Variants in FAM169A observed in about 807,000 individuals in gnomAD.
The protein encoded by FAM169A is family with sequence similarity 169 member A, also known as soluble lamin-associated protein of 75 kDa.
FAM169A carries 24 observed loss-of-function variants against 75.7 expected under a neutral mutation model. The observed-to-expected ratio is 0.32, with a 90% CI of 0.23 to 0.45. The LOEUF is 0.45. FAM169A is among the 20% of genes least tolerant of loss of function. The pLI, the probability that FAM169A is intolerant of heterozygous loss-of-function variation, is 1.00. For synonymous variants in FAM169A, 271 were observed against 271.0 expected, an observed-to-expected ratio of 1.00 and a Z score of 0.00; for missense variants, 673 against 784.0, an observed-to-expected ratio of 0.86 and a Z score of 1.69.
At chr5:74,801,065 A>G in intron 9 of FAM169A, 35 bp from the exon 10 acceptor site, 2 of 1,476,034 alleles carry the variant, frequency 1.4e-6, no homozygotes, top group Non-Finnish European at 1.8e-6. Context: ...CACTTAATTG[A>G]TTATATATTA....
chr5:74,843,098 G>A lies in FAM169A; in HGVS notation c.-3-1419C>T, dbSNP rs573524784. ...GGGCAGCAAAGTAAAAATAGAAAAA[G>A]AAAGTATAAATAGAGATGAAGACCT... On this transcript the variant is annotated intron_variant, in intron 1 of 12. Transcript: ENST00000687041. Among the ~76,000 whole-genome samples the A allele has an allele frequency of 7.2e-5, 11 of 152,084 alleles. No individual in the cohort carries two copies. The South Asian group carries it at 2.1e-3, about 29-fold the overall frequency.
At chr5:74,785,303 A>T (rs1190781605) in intron 11 of FAM169A, among the ~76,000 whole-genome samples, 1 of 152,224 alleles carries the variant, frequency 6.6e-6, no homozygotes, top group Non-Finnish European at 1.5e-5. Context: ...TGGGCAACAG[A>T]GCGAGACTCC....
intron 1 of FAM169A, among the ~76,000 whole-genome samples, chr5:74,845,216 G>A (rs1236319320): frequency 2.6e-5 from 4 of 152,030 alleles, no homozygotes; most frequent in African/African-American, 7.2e-5. Context: ...AAGTCCTAAG[G>A]ACTTTAAAAC....
intron 1 of FAM169A, among the ~76,000 whole-genome samples, chr5:74,846,380 A>G (rs562657656): frequency 6.6e-6 from 1 of 152,356 alleles, no homozygotes; most frequent in African/African-American, 2.4e-5. Flanking sequence ...TCACAACCAC[A>G]TAAAAATAAT....
Position 74,823,469 on chromosome 5 carries a change from C to G in FAM169A, c.491-9450G>C, listed in dbSNP as rs964655252. ...CTTTCAAAGACTGCCATTGTTGATACCTCAAATGTATTACTTACAAAACTG... is the reference window on the plus strand; with the variant it reads ...CTTTCAAAGACTGCCATTGTTGATAGCTCAAATGTATTACTTACAAAACTG... On this transcript the variant is annotated intron_variant, in intron 5 of 12. Coordinates refer to ENST00000687041, the MANE Select transcript of FAM169A (RefSeq NM_001376049.1). Among the ~76,000 whole-genome samples, 3 of 152,162 alleles carry G rather than the reference C, an allele frequency of 2.0e-5. No individual in the cohort carries two copies. In the East Asian group the frequency reaches 5.8e-4, roughly 29 times the overall value.
At chr5:74,785,216 G>A (rs903648383) in intron 11 of FAM169A, among the ~76,000 whole-genome samples, 9 of 152,048 alleles carry the variant, frequency 5.9e-5, no homozygotes, top group Non-Finnish European at 1.0e-4. Flanking sequence ...GTACTCGGGA[G>A]GCTGAGGCAG....
intron 11 of FAM169A, among the ~76,000 whole-genome samples, chr5:74,794,286 C>G (rs1181051537): frequency 6.7e-5 from 10 of 150,270 alleles, no homozygotes; most frequent in African/African-American, 2.4e-4. Flanking sequence ...CCCAGCTACT[C>G]AGGAGGCTGA....
At chr5:74,833,139 A>G (rs6884843) in intron 5 of FAM169A, among the ~76,000 whole-genome samples, 35,273 of 151,986 alleles carry the variant, frequency 0.23, 4,309 homozygotes, top group Middle Eastern at 0.31. Flanking sequence ...TAAACTAGTT[A>G]TGCTCCAAAT....
chr5:74,795,819 AAGCT>A (rs1294287201), intron 11 of FAM169A, among the ~76,000 whole-genome samples: 2 of 152,218 alleles, frequency 1.3e-5, no homozygotes, highest in East Asian at 3.8e-4. Flanking sequence ...AAACTTTTAT[AAGCT>A]CAAACTTTTA....
intron 7 of FAM169A, among the ~76,000 whole-genome samples, 198 bp from the exon 8 acceptor site, chr5:74,804,803 GTATT>G (rs1403898962): frequency 6.6e-6 from 1 of 152,174 alleles, no homozygotes; most frequent in Non-Finnish European, 1.5e-5. Flanking sequence ...GTTATTTTAA[GTATT>G]TAGTAGCTTT....
chr5:74,829,718 A>G (rs1037809102), intron 5 of FAM169A, among the ~76,000 whole-genome samples: 5 of 152,180 alleles, frequency 3.3e-5, no homozygotes, highest in African/African-American at 9.7e-5. Context: ...TCACGCCTAT[A>G]ATCCCAGCAC....
At chr5:74,818,821 A>G (rs1312868629) in intron 5 of FAM169A, among the ~76,000 whole-genome samples, 1 of 150,358 alleles carries the variant, frequency 6.7e-6, no homozygotes, top group African/African-American at 2.5e-5. Context: ...ATATATATAT[A>G]TATGTCAAAG....
At chr5:74,806,763 C>G (rs1040462880) in intron 6 of FAM169A, among the ~76,000 whole-genome samples, 10 of 152,032 alleles carry the variant, frequency 6.6e-5, no homozygotes, top group Non-Finnish European at 2.9e-5. Flanking sequence ...TAGAGTAAAA[C>G]AAACAATTAG....
At chr5:74,841,118 A>G (rs1202780362) in intron 2 of FAM169A, among the ~76,000 whole-genome samples, 4 of 152,202 alleles carry the variant, frequency 2.6e-5, no homozygotes, top group Admixed American at 2.6e-4. Context: ...GATCTATCAC[A>G]AAATATTATA....
chr5:74,840,625 C>G (rs1175939021), intron 2 of FAM169A, among the ~76,000 whole-genome samples: 2 of 151,188 alleles, frequency 1.3e-5, no homozygotes, highest in Non-Finnish European at 2.9e-5. Context: ...GTCAGGAGAT[C>G]GAGACCATCC....
chr5:74,837,994 G>C (rs1447625904), intron 4 of FAM169A, among the ~76,000 whole-genome samples: 2 of 151,338 alleles, frequency 1.3e-5, no homozygotes. Flanking sequence ...GCGTATGTCT[G>C]TAATCCCAGC....
rs143031534 is a variant in FAM169A at position 74,801,721 on chromosome 5, A to T, written c.913-92T>A. On this transcript the variant is annotated intron_variant, in intron 8 of 12. Coordinates refer to ENST00000687041, the MANE Select transcript of FAM169A (RefSeq NM_001376049.1). The stretch of plus-strand genomic sequence containing the variant: ...TTATAGTTTCAAAGAAAAACTTGTA[A>T]AATGTTTTCCAAATAGCACTTTTTG... 171 of 956,882 alleles carry T rather than the reference A, an allele frequency of 1.8e-4. No individual in the cohort carries two copies. The East Asian group carries it at 3.9e-3, about 22-fold the overall frequency. 59.3% of individuals were successfully genotyped at this position (956,882 alleles called of 1,614,324 possible).
rs879731248 is a variant in FAM169A, at chr5:74,779,294, AAAG to A, written c.*2163_*2165del. ...AATCTTTAAAAAACTACACTTGTCT[AAAG>A]AAAGTCTTTTAGTGCTCACTTCGGC... On this transcript the variant is annotated 3_prime_UTR_variant, in exon 13 of 13. Transcript: ENST00000687041. 2 of 152,164 alleles carry A rather than the reference AAAG, an allele frequency of 1.3e-5. No homozygotes were observed. The highest frequency in any genetic ancestry group is 2.4e-5 in the African/African-American group (1 of 41,464). The allele number at this position is 152,164 out of a possible 1,614,324, so 9.4% of individuals were successfully genotyped here. A position where few individuals can be genotyped will look rare whatever the true frequency, so the allele number is the denominator to read the frequency against.
chr5:74,838,882 A>G, intron 4 of FAM169A, 83 bp downstream of exon 4: 1 of 884,146 alleles, frequency 1.1e-6, no homozygotes. Context: ...TAAATGGGGA[A>G]GAGCTCAAAA....
Sources: allele counts gnomAD v4.1 joint callset (sites outside exome capture counted in the v4.1 genomes callset), GRCh38; gene constraint gnomAD v4.1.1; transcripts MANE v1.5; gene names NCBI Gene and HGNC (gene_info 2026-07-23, HGNC 2026-07-21).